DPYD: variants seen among roughly 807,000 people sequenced by gnomAD.
DPYD encodes the protein dihydropyrimidine dehydrogenase [NADP(+)].
In DPYD, 109 loss-of-function variants were observed where a neutral mutation model predicts 116.2. The observed-to-expected ratio is 0.94, with a 90% CI of 0.80 to 1.10. DPYD has a LOEUF of 1.10. Ranked by LOEUF, DPYD falls within the 50% of genes least tolerant of loss-of-function variation. DPYD has a pLI of 0.00. For missense variants in DPYD, 1,302 were observed against 1,254.5 expected, an observed-to-expected ratio of 1.04 and a Z score of -0.57; for synonymous variants, 440 against 432.0, an observed-to-expected ratio of 1.02 and a Z score of -0.23.
At chr1:97,226,373 G>A (rs770447837) in intron 19 of DPYD, among the ~76,000 whole-genome samples, 2 of 151,904 alleles carry the variant, frequency 1.3e-5, no homozygotes, top group Non-Finnish European at 2.9e-5. Context: ...ACATAGTACT[G>A]GAAGCCCTAG....
chr1:97,162,779 A>G (rs1340285690), intron 20 of DPYD, among the ~76,000 whole-genome samples: 3 of 152,188 alleles, frequency 2.0e-5, no homozygotes, highest in Non-Finnish European at 4.4e-5. Flanking sequence ...GTACCAAAAC[A>G]GAGATATAGA....
At chr1:97,294,438 T>C (rs969249022) in intron 18 of DPYD, among the ~76,000 whole-genome samples, 31 of 152,202 alleles carry the variant, frequency 2.0e-4, no homozygotes, top group Non-Finnish European at 4.1e-4. Flanking sequence ...CAAAATGTCC[T>C]TCTCTTTTTC....
At chr1:97,382,738 C>G (rs956057845) in intron 14 of DPYD, among the ~76,000 whole-genome samples, 1 of 151,994 alleles carries the variant, frequency 6.6e-6, no homozygotes, top group African/African-American at 2.4e-5. Flanking sequence ...TTCTCTTTTT[C>G]AAAATAGAGA....
chr1:97,301,421 A>G lies in DPYD; in HGVS notation c.2299+3838T>C, dbSNP rs79390931. Among the ~76,000 whole-genome samples, 1,026 of 152,118 alleles carry G rather than the reference A, an allele frequency of 6.7e-3. 7 individuals are homozygous for G. Among genetic ancestry groups the G allele is most frequent in the Admixed American group, 0.012 (184 of 15,250 alleles). ...TTTGGCAAATAAAATAATTTAAAAT[A>G]ATAAGTTTTTCAAGCTTGTGGGAAG... On this transcript the variant is annotated intron_variant, in intron 18 of 22. Coordinates refer to ENST00000370192, the MANE Select transcript of DPYD (RefSeq NM_000110.4).
intron 18 of DPYD, among the ~76,000 whole-genome samples, chr1:97,252,517 TCCAAACAGCATTCGA>T (rs1418359078): frequency 1.3e-5 from 2 of 152,222 alleles, no homozygotes; most frequent in Non-Finnish European, 2.9e-5. Flanking sequence ...GTATAATAAT[TCCAAACAGCATTCGA>T]CCATTCAGAT....
chr1:97,174,007 T>C (rs544945232), intron 20 of DPYD, among the ~76,000 whole-genome samples: 1 of 151,972 alleles, frequency 6.6e-6, no homozygotes, highest in Admixed American at 6.6e-5. Flanking sequence ...TCTATAAATG[T>C]TATAATTTTA....
rs567568846 is a variant in DPYD, at chr1:97,731,126, T to C, written c.321+9266A>G. On this transcript the variant is annotated intron_variant, in intron 4 of 22. Transcript: ENST00000370192. ...ATGCCAAAAGACACATGATTATTTA[T>C]GCCATTAAATCTAGACTGTAATATC... Among the ~76,000 whole-genome samples the C allele has an allele frequency of 9.2e-5, 14 of 152,270 alleles. No homozygotes were observed. The South Asian group carries it at 2.9e-3, about 32-fold the overall frequency.
intron 20 of DPYD, among the ~76,000 whole-genome samples, chr1:97,173,347 CACATATATGTACATATAT>C (rs1656961543): frequency 6.7e-6 from 1 of 149,056 alleles, no homozygotes; most frequent in Non-Finnish European, 1.5e-5. Flanking sequence ...TATATATGCA[CACATATATGTACATATAT>C]ACATATATGT....
At chr1:97,558,456 T>C (rs1189737989) in intron 11 of DPYD, among the ~76,000 whole-genome samples, 3 of 152,192 alleles carry the variant, frequency 2.0e-5, no homozygotes, top group African/African-American at 7.2e-5. Flanking sequence ...CAGTTCATCA[T>C]GTGGAGAAAA....
chr1:97,209,298 T>TA (rs1306633185), intron 19 of DPYD, among the ~76,000 whole-genome samples: 1 of 152,206 alleles, frequency 6.6e-6, no homozygotes, highest in Non-Finnish European at 1.5e-5. Flanking sequence ...TTTTTGTCTA[T>TA]AAAATGTCAC....
chr1:97,143,302 T>C (rs1557889824), intron 20 of DPYD, among the ~76,000 whole-genome samples: 2 of 152,126 alleles, frequency 1.3e-5, no homozygotes, highest in Admixed American at 1.3e-4. Flanking sequence ...GTAGGGCATC[T>C]TGACATCTGC....
intron 1 of DPYD, among the ~76,000 whole-genome samples, chr1:97,908,537 C>A (rs888119920): frequency 6.6e-6 from 1 of 152,150 alleles, no homozygotes; most frequent in African/African-American, 2.4e-5. Context: ...TTAGTGACTT[C>A]AACAGACTCT....
intron 12 of DPYD, among the ~76,000 whole-genome samples, chr1:97,526,024 A>G (rs1649063644): frequency 8.4e-6 from 1 of 119,668 alleles, no homozygotes; most frequent in Non-Finnish European, 1.8e-5. Flanking sequence ...TGTTTCTATA[A>G]TTCAGTCACA....
At chr1:97,316,348 A>AG (rs980322455) in intron 16 of DPYD, among the ~76,000 whole-genome samples, 1 of 150,274 alleles carries the variant, frequency 6.7e-6, no homozygotes, top group Non-Finnish European at 1.5e-5. Flanking sequence ...AAAAGAAAAA[A>AG]AAAAACAAAA....
At position 97,193,157 on chromosome 1, in the gene DPYD, T is replaced by G; in HGVS notation, c.2534A>C (p.Glu845Ala). 1 of 1,614,036 alleles carries G rather than the reference T, an allele frequency of 6.2e-7. No homozygotes were observed. Among genetic ancestry groups the G allele is most frequent in the Non-Finnish European group, 8.5e-7 (1 of 1,179,966 alleles). ...KALLYLKSIE[E>A]LQDWDGQSPA... Reference sequence around the variant, plus strand: ...ACTCTGTCCATCCCAGTCTTGTAGTTCTTCAATGCTTTTCAGATAAAGCAG... The same window carrying G: ...ACTCTGTCCATCCCAGTCTTGTAGTGCTTCAATGCTTTTCAGATAAAGCAG... Residue 845 changes from glutamate to alanine, a missense_variant, in exon 20 of 23, where the codon GAA (glutamate) becomes GCA (alanine). Glu to Ala is a moderately radical substitution (Grantham distance 107, BLOSUM62 -1). Coordinates refer to ENST00000370192, the MANE Select transcript of DPYD (RefSeq NM_000110.4).
At chr1:97,359,773 C>G (rs1164727776) in intron 16 of DPYD, among the ~76,000 whole-genome samples, 1 of 152,154 alleles carries the variant, frequency 6.6e-6, no homozygotes, top group Non-Finnish European at 1.5e-5. Flanking sequence ...GATTTTGTCA[C>G]CAGCAGGCCT....
intron 12 of DPYD, chr1:97,545,778 C>T: frequency 1.9e-6 from 3 of 1,557,634 alleles, no homozygotes; most frequent in African/African-American, 2.7e-5. Context: ...TAGAAAACTG[C>T]ATGAAGCTTT....
chr1:97,247,620 C>T (rs981365575), intron 18 of DPYD, among the ~76,000 whole-genome samples: 2 of 152,112 alleles, frequency 1.3e-5, no homozygotes, highest in Non-Finnish European at 2.9e-5. Flanking sequence ...ATAGAATAAT[C>T]TATGTAAAGC....
At chr1:97,259,184 T>C (rs1189843540) in intron 18 of DPYD, among the ~76,000 whole-genome samples, 1 of 152,112 alleles carries the variant, frequency 6.6e-6, no homozygotes, top group Non-Finnish European at 1.5e-5. Flanking sequence ...AAAACTGGGA[T>C]TCTATAAATG....
Sources: allele counts gnomAD v4.1 joint callset (sites outside exome capture counted in the v4.1 genomes callset), GRCh38; gene constraint gnomAD v4.1.1; transcripts MANE v1.5; gene names NCBI Gene and HGNC (gene_info 2026-07-23, HGNC 2026-07-21).